TSPEAR: variants seen among roughly 807,000 people sequenced by gnomAD.
TSPEAR encodes thrombospondin type laminin G domain and EAR repeats, also known as thrombospondin-type laminin G domain and EAR repeat-containing protein.
A neutral mutation model predicts 71.6 loss-of-function variants in TSPEAR; 69 were observed. That is an observed-to-expected ratio of 0.96 (90% confidence interval 0.79 to 1.18). The LOEUF (loss-of-function observed/expected upper bound fraction) is 1.18, where lower values mean the gene tolerates loss of function less well. TSPEAR is among the 50% of genes most tolerant of loss of function. The pLI is 0.00. For synonymous variants in TSPEAR, 402 were observed against 387.2 expected, an observed-to-expected ratio of 1.04 and a Z score of -0.45; for missense variants, 971 against 894.9, an observed-to-expected ratio of 1.09 and a Z score of -1.09.
chr21:44,539,359 G>A, intron 2 of TSPEAR: 1 of 1,612,672 alleles, frequency 6.2e-7, no homozygotes, highest in South Asian at 1.1e-5. Flanking sequence ...AGGAGGCCGG[G>A]CGGCAGCAGC....
intron 1 of TSPEAR, among the ~76,000 whole-genome samples, chr21:44,618,805 T>G (rs1982267370): frequency 6.6e-6 from 1 of 152,178 alleles, no homozygotes; most frequent in South Asian, 2.1e-4. Context: ...ATGGAGGGTG[T>G]GTGTTACAAC....
intron 9 of TSPEAR, among the ~76,000 whole-genome samples, chr21:44,512,743 G>A (rs2052427950): frequency 6.6e-6 from 1 of 152,116 alleles, no homozygotes; most frequent in African/African-American, 2.4e-5. Flanking sequence ...TGGAGCCCAA[G>A]GTGGGGCGTG....
chr21:44,646,130 A>AAAC (rs1984334603), intron 1 of TSPEAR, among the ~76,000 whole-genome samples: 1 of 105,934 alleles, frequency 9.4e-6, no homozygotes, highest in Non-Finnish European at 2.1e-5. Context: ...CTCTCAAAAA[A>AAAC]AAAAAAAAAA....
At chr21:44,562,252 T>C (rs1555921169) in intron 2 of TSPEAR, among the ~76,000 whole-genome samples, 1 of 151,970 alleles carries the variant, frequency 6.6e-6, no homozygotes, top group East Asian at 1.9e-4. Context: ...GGGAATGAAA[T>C]ACCTAGGAAC....
At chr21:44,681,544 A>T in intron 1 of TSPEAR, 2 of 429,208 alleles carry the variant, frequency 4.7e-6, no homozygotes, top group Non-Finnish European at 4.1e-6. Flanking sequence ...CGGGGAGTAT[A>T]GAAATAAAAA....
At chr21:44,633,182 C>T (rs58209424) in intron 1 of TSPEAR, among the ~76,000 whole-genome samples, 3,215 of 152,142 alleles carry the variant, frequency 0.021, 115 homozygotes, top group African/African-American at 0.07. Flanking sequence ...TTTTAGGCTT[C>T]GTTGGTTCCA....
chr21:44,631,532 A>G (rs1300701560), intron 1 of TSPEAR, among the ~76,000 whole-genome samples: 2 of 152,180 alleles, frequency 1.3e-5, no homozygotes, highest in Admixed American at 6.5e-5. Context: ...GCCTGGGGCA[A>G]CATAGTGAAA....
chr21:44,597,717 C>T (rs1980465839), intron 1 of TSPEAR, among the ~76,000 whole-genome samples: 1 of 152,160 alleles, frequency 6.6e-6, no homozygotes, highest in Admixed American at 6.5e-5. Flanking sequence ...CAGGTGCGAG[C>T]CACAGCACAT....
chr21:44,610,037 G>A (rs1555930524), intron 1 of TSPEAR, among the ~76,000 whole-genome samples: 1 of 152,178 alleles, frequency 6.6e-6, no homozygotes, highest in Non-Finnish European at 1.5e-5. Flanking sequence ...CATCTGGGAT[G>A]GGCCTTGGGA....
In TSPEAR at chr21:44,677,017, C is replaced by T. The variant is rs1053059708; in HGVS notation, c.82+34416G>A. 8.0e-5 allele frequency: 70 copies of T among 871,882 alleles called. No homozygotes were observed. The African/African-American group carries it at 1.0e-3, about 13-fold the overall frequency. The allele number at this position is 871,882 out of a possible 1,614,324, so 54.0% of individuals were successfully genotyped here. On this transcript the variant is annotated intron_variant, in intron 1 of 11. Transcript: ENST00000323084. The stretch of plus-strand genomic sequence containing the variant: ...CCCAGGAAGGACTTCTGGAGTAATA[C>T]TGTCCAGCTGTCGTTTAAAGTCATC...
chr21:44,710,632 C>T lies in TSPEAR; in HGVS notation c.82+801G>A, dbSNP rs565205736. On this transcript the variant is annotated intron_variant, in intron 1 of 11. Transcript: ENST00000323084. The surrounding 1 kb of genome is among the most constrained non-coding windows in gnomAD (Gnocchi z 4.6). ...CCATCTCCTCGCCTCCCCTGATAGC[C>T]GTGCTGCGGAGCCTGAGTGCTGGAG... Among the ~76,000 whole-genome samples the T allele has an allele frequency of 2.0e-5, 3 of 152,344 alleles. No individual in the cohort carries two copies. The highest frequency in any genetic ancestry group is 2.1e-4 in the South Asian group (1 of 4,826).
rs1601520810 is a variant in TSPEAR at position 44,642,820 on chromosome 21, C to T, written c.82+68613G>A. Among the ~76,000 whole-genome samples, 3 of 150,916 alleles carry T rather than the reference C, an allele frequency of 2.0e-5. No individual in the cohort carries two copies. Among genetic ancestry groups the T allele is most frequent in the Non-Finnish European group, 4.4e-5 (3 of 67,830 alleles). On this transcript the variant is annotated intron_variant, in intron 1 of 11. Transcript: ENST00000323084. The surrounding 1 kb of genome is among the most constrained non-coding windows in gnomAD (Gnocchi z 4.1). The stretch of plus-strand genomic sequence containing the variant: ...TTGTGCCACTGCACTCCAGCCTGGG[C>T]AACAGAGCGAGACTCTATCTCAAAA...
At chr21:44,591,720 G>A (rs1226269353) in intron 1 of TSPEAR, 1 of 1,597,678 alleles carries the variant, frequency 6.3e-7, no homozygotes. Flanking sequence ...CTGGCTGGCA[G>A]CTAGACTGCT....
chr21:44,705,196 CTT>C, intron 1 of TSPEAR, among the ~76,000 whole-genome samples: 1 of 152,378 alleles, frequency 6.6e-6, no homozygotes, highest in Non-Finnish European at 1.5e-5. Flanking sequence ...TTCATAGACA[CTT>C]ATCACTTCCC....
rs587623631 is a variant in TSPEAR at position 44,520,815 on chromosome 21, A to G, written c.1566+1068T>C. The G allele has an allele frequency of 6.6e-6, 1 of 152,412 alleles. No homozygotes were observed. Among genetic ancestry groups the G allele is most frequent in the East Asian group, 1.9e-4 (1 of 5,186 alleles). The allele number at this position is 152,412 out of a possible 1,614,324, so 9.4% of individuals were successfully genotyped here. A position where few individuals can be genotyped will look rare whatever the true frequency, so the allele number is the denominator to read the frequency against. ...ATGCCTTCAATCATTTCAGCCATAA[A>G]GCCCCACCCACCACATGCACAGCTT... On this transcript the variant is annotated intron_variant, in intron 9 of 11. Coordinates refer to ENST00000323084, the MANE Select transcript of TSPEAR (RefSeq NM_144991.3). The surrounding 1 kb of genome is among the most constrained non-coding windows in gnomAD (Gnocchi z 4.2).
intron 1 of TSPEAR, among the ~76,000 whole-genome samples, chr21:44,608,450 T>G (rs73907050): frequency 0.025 from 3,811 of 152,310 alleles, 156 homozygotes; most frequent in African/African-American, 0.086. Context: ...GGGACTTTTG[T>G]TTTTGTTTTC....
chr21:44,706,648 G>GGATC (rs1406020329), intron 1 of TSPEAR, among the ~76,000 whole-genome samples: 1 of 152,224 alleles, frequency 6.6e-6, no homozygotes, highest in Non-Finnish European at 1.5e-5. Context: ...GAGGTGTCGG[G>GGATC]GATCGAGCAG....
intron 2 of TSPEAR, among the ~76,000 whole-genome samples, chr21:44,542,663 T>A (rs1032888659): frequency 6.6e-6 from 1 of 150,662 alleles, no homozygotes. Context: ...GGAGAATCAC[T>A]TGAGCCTGGG....
At position 44,687,753 on chromosome 21, in the gene TSPEAR, G is replaced by C. The variant is rs1245252319; in HGVS notation, c.82+23680C>G. Among the ~76,000 whole-genome samples the C allele has an allele frequency of 6.6e-6, 1 of 152,150 alleles. No homozygotes were observed. The highest frequency in any genetic ancestry group is 1.5e-5 in the Non-Finnish European group (1 of 68,028). On this transcript the variant is annotated intron_variant, in intron 1 of 11. Coordinates refer to ENST00000323084, the MANE Select transcript of TSPEAR (RefSeq NM_144991.3). The surrounding 1 kb of genome is among the most constrained non-coding windows in gnomAD (Gnocchi z 4.4). ...CCACCCTCTCCCCTGGGCCTTGAGGGGGCCTGGGTGAGCTGTGTTGACAGA... is the reference window on the plus strand; with the variant it reads ...CCACCCTCTCCCCTGGGCCTTGAGGCGGCCTGGGTGAGCTGTGTTGACAGA...
Sources: gnomAD v4.1 joint callset for allele counts (sites outside exome capture counted in the v4.1 genomes callset) on GRCh38, gnomAD v4.1.1 for gene constraint, Gnocchi (gnomAD v3.1) non-coding constraint, MANE v1.5 for transcripts, NCBI Gene and HGNC (gene_info 2026-07-23, HGNC 2026-07-21) for gene names.